NDUFA12: variants seen among roughly 807,000 people sequenced by gnomAD.
NDUFA12 encodes the protein NADH:ubiquinone oxidoreductase subunit A12, also known as NADH dehydrogenase [ubiquinone] 1 alpha subcomplex subunit 12.
Under a neutral mutation model 20.3 loss-of-function variants are expected in NDUFA12, and 17 were observed. The ratio of observed to expected loss-of-function variants is 0.84; its 90% CI spans 0.57 to 1.26. The LOEUF is 1.26. Among genes scored for constraint, NDUFA12 ranks in the 50% most tolerant of loss-of-function variants. NDUFA12 has a pLI of 0.00. For synonymous variants in NDUFA12, 72 were observed against 63.6 expected (o/e 1.13, Z -0.63); for missense variants, 191 against 183.7 (o/e 1.04, Z -0.23).
At position 94,985,326 on chromosome 12, in the gene NDUFA12, A is replaced by G. The variant is rs577840171; in HGVS notation, c.257+8844T>C. On this transcript the variant is annotated intron_variant, in intron 3 of 3. Coordinates refer to ENST00000327772, the MANE Select transcript of NDUFA12 (RefSeq NM_018838.5). ...GGCAACATAGCGAGACCCTATCTTT[A>G]AAAAAAGTGGTTGGTAGGCCGGGCG... 8.4e-4 allele frequency among the ~76,000 whole-genome samples: 127 copies of G among 151,860 alleles called. 2 individuals carry two copies. The highest frequency in any genetic ancestry group is 3.0e-3 in the African/African-American group (122 of 41,310).
chr12:94,974,195 C>T (rs1174168005), intron 3 of NDUFA12, among the ~76,000 whole-genome samples: 1 of 152,018 alleles, frequency 6.6e-6, no homozygotes, highest in Non-Finnish European at 1.5e-5. Context: ...TGGTCTCGAA[C>T]TCCTGGCCTC....
At chr12:95,001,152 A>G (rs1307912599) in intron 2 of NDUFA12, among the ~76,000 whole-genome samples, 3 of 151,906 alleles carry the variant, frequency 2.0e-5, no homozygotes, top group Non-Finnish European at 2.9e-5. Flanking sequence ...AAAAAAATTA[A>G]AAAATTAACC....
chr12:94,981,281 C>CATACATAG (rs1205544786), intron 3 of NDUFA12, among the ~76,000 whole-genome samples: 7 of 151,584 alleles, frequency 4.6e-5, no homozygotes, highest in South Asian at 2.1e-4. Flanking sequence ...TACATACATA[C>CATACATAG]ATACATACAT....
intron 2 of NDUFA12, among the ~76,000 whole-genome samples, chr12:95,002,114 T>A (rs1182902383): frequency 6.6e-6 from 1 of 152,014 alleles, no homozygotes; most frequent in African/African-American, 2.4e-5. Flanking sequence ...TACATATTTA[T>A]ATGGTTTTGC....
Position 94,994,277 on chromosome 12 carries a change from T to G in NDUFA12, c.170-20A>C. The stretch of plus-strand genomic sequence containing the variant: ...GACGGCCTGGGTGGGAAGATGAACA[T>G]TTAAAAAGAAAAACTTTTTTTTTTA... On this transcript the variant is annotated intron_variant, in intron 2 of 3. Coordinates refer to ENST00000327772, the MANE Select transcript of NDUFA12 (RefSeq NM_018838.5). The G allele has an allele frequency of 6.2e-7, 1 of 1,607,530 alleles. No individual in the cohort carries two copies. Among genetic ancestry groups the G allele is most frequent in the Non-Finnish European group, 8.5e-7 (1 of 1,175,200 alleles).
intron 2 of NDUFA12, among the ~76,000 whole-genome samples, chr12:95,000,491 T>A (rs1464806842): frequency 6.6e-6 from 1 of 152,250 alleles, no homozygotes; most frequent in African/African-American, 2.4e-5. Flanking sequence ...ATCTGCCCCA[T>A]AGTGTTAACA....
rs753123680 is a variant in NDUFA12 at position 94,971,458 on chromosome 12, A to G, written c.420T>C (p.Pro140=). ...TRKKIQEWIP[P]STPYK ...ATTGTCTTTACTTGTAAGGTGTTGA[A>G]GGTGGGATCCACTCCTGAATCTTCT... The change falls in exon 4 of 4, where the codon CCT becomes CCC. Residue 140 remains proline, a synonymous_variant. Transcript: ENST00000327772. The G allele has an allele frequency of 6.2e-7, 1 of 1,614,070 alleles. No individual in the cohort carries two copies. Among genetic ancestry groups the G allele is most frequent in the East Asian group, 2.2e-5 (1 of 44,898 alleles).
intron 3 of NDUFA12, among the ~76,000 whole-genome samples, chr12:94,990,479 G>A (rs1031974686): frequency 3.3e-5 from 5 of 152,194 alleles, no homozygotes; most frequent in Non-Finnish European, 7.3e-5. Flanking sequence ...CTGGAGTACA[G>A]TGGTGCAATC....
chr12:95,000,843 T>TTATA lies in NDUFA12; in HGVS notation c.169+1892_169+1895dup, dbSNP rs1874999517. Among the ~76,000 whole-genome samples, 10 of 152,364 alleles carry TTATA rather than the reference T, an allele frequency of 6.6e-5. No individual in the cohort carries two copies. The South Asian group carries it at 2.1e-3, about 32-fold the overall frequency. ...TCTTTGACATCTCTCTATATTAAATTTATAGGTTTATATCATTCTTAACAA... is the reference window on the plus strand; with the variant it reads ...TCTTTGACATCTCTCTATATTAAATTTATATATAGGTTTATATCATTCTTAACAA... On this transcript the variant is annotated intron_variant, in intron 2 of 3. Transcript: ENST00000327772.
At chr12:94,975,506 A>G (rs1874038048) in intron 3 of NDUFA12, among the ~76,000 whole-genome samples, 1 of 152,254 alleles carries the variant, frequency 6.6e-6, no homozygotes, top group Non-Finnish European at 1.5e-5. Context: ...TCCTGAGAAT[A>G]TAAATTGGTA....
intron 3 of NDUFA12, among the ~76,000 whole-genome samples, chr12:94,990,553 G>A (rs949564913): frequency 2.0e-5 from 3 of 152,272 alleles, no homozygotes; most frequent in Middle Eastern, 3.4e-3. Flanking sequence ...CTCCCAAGTA[G>A]CTGGAACTAC....
At chr12:95,002,436 TCA>T (rs1491342100) in intron 2 of NDUFA12, among the ~76,000 whole-genome samples, 1 of 13,120 alleles carries the variant, frequency 7.6e-5, no homozygotes, top group African/African-American at 4.9e-4. Context: ...AGACTCCATC[TCA>T]AAAAAAAAAA....
chr12:94,987,151 TTA>T (rs1239257839), intron 3 of NDUFA12, among the ~76,000 whole-genome samples: 4 of 152,116 alleles, frequency 2.6e-5, no homozygotes, highest in African/African-American at 9.7e-5. Context: ...CAGCTGCTAC[TTA>T]ATAGAGTGCA....
At chr12:94,996,001 A>T (rs1014776563) in intron 2 of NDUFA12, among the ~76,000 whole-genome samples, 4 of 151,618 alleles carry the variant, frequency 2.6e-5, no homozygotes, top group African/African-American at 9.7e-5. Flanking sequence ...TGAGCTCAGG[A>T]GTTCGAGACC....
intron 3 of NDUFA12, among the ~76,000 whole-genome samples, chr12:94,973,399 G>A (rs753729742): frequency 6.6e-5 from 10 of 152,188 alleles, no homozygotes; most frequent in Non-Finnish European, 1.2e-4. Flanking sequence ...CACGAGCGCT[G>A]AAGCCCTTAT....
chr12:95,003,656 G>C lies in NDUFA12; in HGVS notation c.25C>G (p.Arg9Gly), dbSNP rs1167514268. The change falls in exon 1 of 4, where the codon CGC (arginine) becomes GGC (glycine). Residue 9 changes from arginine (R) to glycine (G), a missense_variant. Arg to Gly is a moderately radical substitution (Grantham distance 125). Coordinates refer to ENST00000327772, the MANE Select transcript of NDUFA12 (RefSeq NM_018838.5). Reference protein sequence around the residue: MELVQVLKRGLQQITGHGG... With the variant: MELVQVLKGGLQQITGHGG... The stretch of plus-strand genomic sequence containing the variant: ...TGGCCGGTGATCTGCTGCAGCCCGC[G>C]TTTCAGGACCTGCACTAACTCCATC... 11 of 1,614,032 alleles carry C rather than the reference G, an allele frequency of 6.8e-6. No homozygotes were observed. The highest frequency in any genetic ancestry group is 9.3e-6 in the Non-Finnish European group (11 of 1,180,038).
intron 3 of NDUFA12, among the ~76,000 whole-genome samples, chr12:94,988,952 T>C (rs1342513953): frequency 1.3e-5 from 2 of 152,192 alleles, no homozygotes; most frequent in East Asian, 3.9e-4. Context: ...CTATTTCTCC[T>C]ACCTCGTTTC....
At chr12:94,973,660 G>A (rs1267526790) in intron 3 of NDUFA12, among the ~76,000 whole-genome samples, 2 of 152,178 alleles carry the variant, frequency 1.3e-5, no homozygotes, top group African/African-American at 4.8e-5. Flanking sequence ...TTACTTAAGT[G>A]AGGAAGTGAA....
intron 3 of NDUFA12, among the ~76,000 whole-genome samples, chr12:94,972,643 C>G (rs1290899669): frequency 6.6e-6 from 1 of 152,122 alleles, no homozygotes; most frequent in African/African-American, 2.4e-5. Flanking sequence ...GTGGGAGGAT[C>G]ACTTGAGGCC....
Sources: allele counts gnomAD v4.1 joint callset (sites outside exome capture counted in the v4.1 genomes callset), GRCh38; gene constraint gnomAD v4.1.1; transcripts MANE v1.5; gene names NCBI Gene and HGNC (gene_info 2026-07-23, HGNC 2026-07-21).